The following SYBU variants were observed in gnomAD, a reference collection of about 807,000 sequenced individuals.
The protein encoded by SYBU is syntabulin, also known as GOLSYN A protein.
SYBU carries 21 observed loss-of-function variants against 35.9 expected under a neutral mutation model. The observed-to-expected ratio is 0.58, with a 90% CI of 0.41 to 0.84. The LOEUF (loss-of-function observed/expected upper bound fraction) is 0.84, where lower values mean the gene tolerates loss of function less well. Ranked by LOEUF, SYBU falls within the 40% of genes least tolerant of loss-of-function variation. SYBU has a pLI of 0.00. For synonymous variants in SYBU, 319 were observed against 324.3 expected, an observed-to-expected ratio of 0.98 and a Z score of 0.18; for missense variants, 768 against 848.2, an observed-to-expected ratio of 0.91 and a Z score of 1.17.
intron 2 of SYBU, among the ~76,000 whole-genome samples, chr8:109,637,527 T>C (rs1428139078): frequency 6.6e-6 from 1 of 152,150 alleles, no homozygotes; most frequent in East Asian, 1.9e-4. Flanking sequence ...ATTTGAAATA[T>C]TTATTATACT....
intron 3 of SYBU, among the ~76,000 whole-genome samples, chr8:109,588,872 A>G: frequency 6.6e-6 from 1 of 152,216 alleles, no homozygotes; most frequent in East Asian, 1.9e-4. Context: ...AAAAACATAG[A>G]AACTCGGCTG....
chr8:109,664,237 C>T (rs929472849), intron 1 of SYBU, among the ~76,000 whole-genome samples: 3 of 152,040 alleles, frequency 2.0e-5, no homozygotes, highest in Non-Finnish European at 2.9e-5. Context: ...AACTCAGTCC[C>T]GTAACATGCT....
chr8:109,678,434 CTTTTT>C (rs10717299), intron 1 of SYBU, among the ~76,000 whole-genome samples: 1 of 58,362 alleles, frequency 1.7e-5, no homozygotes, highest in Admixed American at 2.5e-4. Context: ...TTCAAATAAC[CTTTTT>C]TTTTTTTTTT....
intron 3 of SYBU, among the ~76,000 whole-genome samples, chr8:109,601,551 G>A (rs751669588): frequency 2.6e-5 from 4 of 151,996 alleles, no homozygotes; most frequent in Admixed American, 6.6e-5. Context: ...CAGAGAGGGC[G>A]GGCACCCAGA....
At chr8:109,663,297 A>ATAGATAGG (rs1563771275) in intron 1 of SYBU, among the ~76,000 whole-genome samples, 24 of 148,600 alleles carry the variant, frequency 1.6e-4, no homozygotes, top group African/African-American at 6.0e-4. Flanking sequence ...AGATAGATAG[A>ATAGATAGG]TAGGTAGATA....
At chr8:109,636,410 C>G (rs1220692791) in intron 2 of SYBU, among the ~76,000 whole-genome samples, 1 of 152,116 alleles carries the variant, frequency 6.6e-6, no homozygotes, top group African/African-American at 2.4e-5. Flanking sequence ...AATTTATTAC[C>G]CCATTTATTT....
At chr8:109,688,768 A>G (rs1817577217) in intron 1 of SYBU, among the ~76,000 whole-genome samples, 1 of 149,138 alleles carries the variant, frequency 6.7e-6, no homozygotes, top group Non-Finnish European at 1.5e-5. Flanking sequence ...ATTTTTACAC[A>G]GATAAAAAAA....
chr8:109,654,563 T>A lies in SYBU; in HGVS notation c.-129+26148A>T, dbSNP rs570664328. Among the ~76,000 whole-genome samples, 50 of 152,330 alleles carry A rather than the reference T, an allele frequency of 3.3e-4. 1 individual carries two copies. Among genetic ancestry groups the A allele is most frequent in the Non-Finnish European group, 5.9e-4 (40 of 68,018 alleles). On this transcript the variant is annotated intron_variant, in intron 1 of 5. Coordinates refer to the SYBU transcript ENST00000408889. ...TCCATCCTTCCCTCTTGGGGCAATA[T>A]CTTTCTTTCCAATTGCTTCAATTGC...
Position 109,611,454 on chromosome 8 carries a change from T to C in SYBU, c.427+7388A>G, listed in dbSNP as rs574257056. ...CCCTGCCATAAAGATAAACACTAAG[T>C]CCACTTATCACATTTAAGCTTTATT... On this transcript the variant is annotated intron_variant, in intron 3 of 6. Coordinates refer to ENST00000276646, the MANE Select transcript of SYBU (RefSeq NM_001099754.2). Among the ~76,000 whole-genome samples the C allele has an allele frequency of 3.6e-4, 55 of 152,168 alleles. No individual in the cohort carries two copies. The South Asian group carries it at 0.011, about 30-fold the overall frequency.
At chr8:109,658,954 T>TA (rs34987559) in intron 1 of SYBU, among the ~76,000 whole-genome samples, 8,926 of 145,804 alleles carry the variant, frequency 0.061, 784 homozygotes, top group African/African-American at 0.19. Flanking sequence ...AGACTCTGCC[T>TA]AAAAAAAAAA....
intron 1 of SYBU, among the ~76,000 whole-genome samples, chr8:109,658,376 T>A (rs1418517993): frequency 6.6e-6 from 1 of 152,230 alleles, no homozygotes; most frequent in Admixed American, 6.5e-5. Flanking sequence ...TTAAAGTTTC[T>A]TCTACAAACT....
At chr8:109,685,860 C>T (rs3108834), upstream of SYBU, among the ~76,000 whole-genome samples, 21,753 of 151,902 alleles carry the variant, frequency 0.14, 1,795 homozygotes, top group East Asian at 0.41. Flanking sequence ...TAAAAAATTA[C>T]GAAATGAAGA....
chr8:109,619,133 C>T, intron 2 of SYBU, 94 bp from the exon 3 acceptor site: 3 of 881,220 alleles, frequency 3.4e-6, no homozygotes, highest in East Asian at 5.1e-5. Context: ...CACACGTGCA[C>T]TCGCACACGT....
chr8:109,678,672 A>G (rs900089890), intron 1 of SYBU, among the ~76,000 whole-genome samples: 1 of 151,814 alleles, frequency 6.6e-6, no homozygotes, highest in Non-Finnish European at 1.5e-5. Flanking sequence ...ATCTCCTGAC[A>G]TCGTGATCCA....
At chr8:109,623,999 T>G (rs911562828) in intron 2 of SYBU, among the ~76,000 whole-genome samples, 12 of 152,212 alleles carry the variant, frequency 7.9e-5, no homozygotes, top group African/African-American at 2.7e-4. Flanking sequence ...ACAGTTTCAT[T>G]ATCTGTCATT....
chr8:109,599,664 T>C (rs1825292563), intron 3 of SYBU, among the ~76,000 whole-genome samples: 1 of 152,220 alleles, frequency 6.6e-6, no homozygotes, highest in African/African-American at 2.4e-5. Context: ...TGAAACAGCA[T>C]CACACTGTGC....
intron 2 of SYBU, among the ~76,000 whole-genome samples, chr8:109,638,678 C>T (rs974172564): frequency 1.2e-4 from 19 of 152,070 alleles, no homozygotes; most frequent in African/African-American, 4.1e-4. Context: ...ACTTGCTGTG[C>T]ACATAAAATA....
At chr8:109,634,495 A>G (rs1813991650) in intron 2 of SYBU, among the ~76,000 whole-genome samples, 1 of 152,246 alleles carries the variant, frequency 6.6e-6, no homozygotes, top group African/African-American at 2.4e-5. Context: ...TATTTCATAA[A>G]TGAGAGAATT....
In SYBU at chr8:109,574,553, A is replaced by G. The variant is rs1274079457; in HGVS notation, c.*353T>C. On this transcript the variant is annotated 3_prime_UTR_variant, in exon 7 of 7. Coordinates refer to ENST00000276646, the MANE Select transcript of SYBU (RefSeq NM_001099754.2). ...CAATTACACATTTTAAAACGGCAAA[A>G]AGCAAAGCAAGGAGATAACATGCCA... 1 of 198,950 alleles carries G rather than the reference A, an allele frequency of 5.0e-6. No individual in the cohort carries two copies. The highest frequency in any genetic ancestry group is 1.8e-4 in the South Asian group (1 of 5,446). 12.3% of individuals were successfully genotyped at this position (198,950 alleles called of 1,614,324 possible). A position where few individuals can be genotyped will look rare whatever the true frequency, so the allele number is the denominator to read the frequency against.
Sources: gnomAD v4.1 joint callset for allele counts (sites outside exome capture counted in the v4.1 genomes callset) on GRCh38, gnomAD v4.1.1 for gene constraint, MANE v1.5 for transcripts, NCBI Gene and HGNC (gene_info 2026-07-23, HGNC 2026-07-21) for gene names.